Variants in CLCN3 observed in about 807,000 individuals in gnomAD.
CLCN3 encodes H(+)/Cl(-) exchange transporter 3.
A neutral mutation model predicts 83.4 loss-of-function variants in CLCN3; 16 were observed. That is an observed-to-expected ratio of 0.19 (90% CI 0.13 to 0.29). The LOEUF is 0.29. CLCN3 is among the 10% of genes least tolerant of loss of function. CLCN3 has a pLI of 1.00. For synonymous variants in CLCN3, 322 were observed against 346.2 expected (o/e 0.93, Z 0.78); for missense variants, 544 against 1,006.0 (o/e 0.54, Z 6.21).
chr4:169,717,073 T>G (rs1043474032), intron 12 of CLCN3, among the ~76,000 whole-genome samples: 4 of 152,208 alleles, frequency 2.6e-5, no homozygotes, highest in Non-Finnish European at 5.9e-5. Context: ...TTATGAGAAT[T>G]TATGTCCATC....
intron 9 of CLCN3, among the ~76,000 whole-genome samples, chr4:169,701,543 A>G (rs1216683963): frequency 6.6e-6 from 1 of 152,156 alleles, no homozygotes; most frequent in African/African-American, 2.4e-5. Context: ...CGGATCAATC[A>G]GAGAAGTTGT....
intron 1 of CLCN3, among the ~76,000 whole-genome samples, chr4:169,625,907 C>T (rs1432605443): frequency 2.0e-5 from 3 of 152,108 alleles, no homozygotes; most frequent in South Asian, 2.1e-4. Flanking sequence ...GGGGTTTCTC[C>T]CCCCACAGCA....
At chr4:169,674,114 T>G (rs553942161) in intron 2 of CLCN3, among the ~76,000 whole-genome samples, 10 of 152,228 alleles carry the variant, frequency 6.6e-5, no homozygotes, top group Non-Finnish European at 1.5e-4. Context: ...GAAAAAAGTT[T>G]TTTTTCCTGG....
intron 2 of CLCN3, among the ~76,000 whole-genome samples, chr4:169,656,871 G>T (rs1026261237): frequency 2.3e-4 from 35 of 152,128 alleles, no homozygotes; most frequent in African/African-American, 7.7e-4. Context: ...GAGCTAGGGG[G>T]TCGAAGCTTC....
rs1732843347 is a variant in CLCN3 at position 169,702,790 on chromosome 4, A to AAT, written c.1564-1207_1564-1206insTA. ...GACCCATCTCTACAAAAAAAAAAAA[A>AAT]AAAAAAAGAAAGCCAGGTGTGGTGG... On this transcript the variant is annotated intron_variant, in intron 9 of 12. Coordinates refer to ENST00000513761, the MANE Select transcript of CLCN3 (RefSeq NM_001829.4). 9.6e-6 allele frequency: 2 copies of AAT among 209,186 alleles called. 1 individual carries two copies. The highest frequency in any genetic ancestry group is 6.0e-5 in the South Asian group (2 of 33,446). 13.0% of individuals were successfully genotyped at this position (209,186 alleles called of 1,614,324 possible).
intron 2 of CLCN3, among the ~76,000 whole-genome samples, chr4:169,658,866 A>G (rs994108567): frequency 1.3e-5 from 2 of 152,078 alleles, no homozygotes; most frequent in Admixed American, 6.6e-5. Context: ...TTTTATAAGA[A>G]GCTCTGTTTA....
chr4:169,660,291 A>C, intron 2 of CLCN3: 1 of 1,315,606 alleles, frequency 7.6e-7, no homozygotes, highest in African/African-American at 1.5e-5. Flanking sequence ...TGCAGCAGGG[A>C]TGGAAGAAAT....
At chr4:169,642,752 G>A (rs1730453197) in intron 2 of CLCN3, 1 of 152,120 alleles carries the variant, frequency 6.6e-6, no homozygotes. Flanking sequence ...GCAACTCCTG[G>A]GCTCAAGCAA....
intron 2 of CLCN3, among the ~76,000 whole-genome samples, chr4:169,650,976 T>C (rs184798706): frequency 1.4e-3 from 206 of 152,266 alleles, no homozygotes; most frequent in African/African-American, 4.7e-3. Flanking sequence ...ACTAATGAAC[T>C]AGGAAAGAAG....
chr4:169,654,890 C>T (rs1434325192), intron 2 of CLCN3, among the ~76,000 whole-genome samples: 6 of 152,108 alleles, frequency 3.9e-5, no homozygotes, highest in Non-Finnish European at 8.8e-5. Flanking sequence ...TGAAAATACT[C>T]TGTTTCTTTA....
intron 1 of CLCN3, among the ~76,000 whole-genome samples, chr4:169,633,425 T>G (rs1175060512): frequency 6.6e-6 from 1 of 152,244 alleles, no homozygotes; most frequent in East Asian, 1.9e-4. Flanking sequence ...AAAAGGTGAC[T>G]TTGCATTATT....
At chr4:169,629,350 A>G (rs1454570156) in intron 1 of CLCN3, among the ~76,000 whole-genome samples, 1 of 152,216 alleles carries the variant, frequency 6.6e-6, no homozygotes, top group African/African-American at 2.4e-5. Context: ...TTAATTAAAA[A>G]AATTGAACAT....
intron 7 of CLCN3, among the ~76,000 whole-genome samples, chr4:169,694,264 A>G (rs889523266): frequency 6.6e-6 from 1 of 152,202 alleles, no homozygotes; most frequent in African/African-American, 2.4e-5. Flanking sequence ...CACTCTGTAT[A>G]TATTTACTCA....
chr4:169,649,547 C>T (rs763667250), intron 2 of CLCN3, among the ~76,000 whole-genome samples: 5 of 152,062 alleles, frequency 3.3e-5, no homozygotes, highest in Non-Finnish European at 7.4e-5. Context: ...TAAAATCAGC[C>T]AGATATACTG....
At chr4:169,668,371 G>A (rs1731331212) in intron 2 of CLCN3, among the ~76,000 whole-genome samples, 1 of 151,986 alleles carries the variant, frequency 6.6e-6, no homozygotes, top group Admixed American at 6.5e-5. Flanking sequence ...AATAGCTTGT[G>A]TTTATTGTTT....
intron 1 of CLCN3, among the ~76,000 whole-genome samples, chr4:169,632,742 A>AAAAAAAT (rs1438046918): frequency 6.8e-6 from 1 of 147,870 alleles, no homozygotes; most frequent in Non-Finnish European, 1.5e-5. Context: ...AAAAAAAAAA[A>AAAAAAAT]GTGCTGGGGA....
intron 8 of CLCN3, among the ~76,000 whole-genome samples, chr4:169,696,504 A>G (rs1732569811): frequency 1.3e-5 from 2 of 152,172 alleles, no homozygotes; most frequent in Admixed American, 6.5e-5. Context: ...ATCAAATCAG[A>G]GTGATTAGCA....
intron 8 of CLCN3, 46 bp downstream of exon 8, chr4:169,695,738 T>C (rs780255099): frequency 8.0e-7 from 1 of 1,253,748 alleles, no homozygotes; most frequent in Admixed American, 1.8e-5. Context: ...TAATTACCAT[T>C]ACAAATATAT....
intron 2 of CLCN3, chr4:169,660,235 G>A (rs1405178932): frequency 2.5e-6 from 3 of 1,215,606 alleles, no homozygotes; most frequent in Non-Finnish European, 3.1e-6. Flanking sequence ...TCAGCGAGTC[G>A]AACTACAGTT....
Sources: allele counts gnomAD v4.1 joint callset (sites outside exome capture counted in the v4.1 genomes callset), GRCh38; gene constraint gnomAD v4.1.1; transcripts MANE v1.5; gene names NCBI Gene and HGNC (gene_info 2026-07-23, HGNC 2026-07-21).